Variants in ABCB5 observed in about 807,000 individuals in gnomAD.
The protein encoded by ABCB5 is ATP binding cassette subfamily B member 5.
Under a neutral mutation model 144.2 loss-of-function variants are expected in ABCB5, and 155 were observed. The observed-to-expected ratio is 1.08, with a 90% CI of 0.94 to 1.23. The LOEUF is 1.23. Among genes scored for constraint, ABCB5 ranks in the 50% most tolerant of loss-of-function variants. The probability of loss-of-function intolerance (pLI) is 0.00; values close to 1 mark genes in which losing one functional copy is unlikely to be tolerated. For synonymous variants in ABCB5, 610 were observed against 528.6 expected, an observed-to-expected ratio of 1.15 and a Z score of -2.11; for missense variants, 1,830 against 1,520.8, an observed-to-expected ratio of 1.20 and a Z score of -3.38.
At chr7:20,654,382 T>C (rs1784700319) in intron 13 of ABCB5, among the ~76,000 whole-genome samples, 1 of 152,162 alleles carries the variant, frequency 6.6e-6, no homozygotes, top group Non-Finnish European at 1.5e-5. Flanking sequence ...CAAAAACTGA[T>C]ACATCTGAAA....
chr7:20,731,343 A>T (rs1782207065), intron 23 of ABCB5, among the ~76,000 whole-genome samples: 1 of 123,962 alleles, frequency 8.1e-6, no homozygotes, highest in Admixed American at 9.3e-5. Context: ...ACAGAGCAAG[A>T]CTCCAACTCA....
intron 23 of ABCB5, among the ~76,000 whole-genome samples, chr7:20,738,288 A>G (rs10244045): frequency 0.85 from 129,527 of 152,232 alleles, 55,181 homozygotes; most frequent in East Asian, 0.89. Flanking sequence ...ATATTTAACC[A>G]TGGTCAGGTC....
chr7:20,704,877 C>T (rs1786768468), intron 20 of ABCB5, 70 bp downstream of exon 20: 12 of 1,261,810 alleles, frequency 9.5e-6, no homozygotes, highest in Non-Finnish European at 1.4e-5. Context: ...ACACATGTGT[C>T]TGTGCATATA....
chr7:20,677,345 G>T (rs558487993), intron 14 of ABCB5, among the ~76,000 whole-genome samples: 1 of 152,304 alleles, frequency 6.6e-6, no homozygotes, highest in Non-Finnish European at 1.5e-5. Context: ...TAAGGATACA[G>T]ATTTAGAAGC....
intron 1 of ABCB5, among the ~76,000 whole-genome samples, chr7:20,618,039 C>T (rs952671506): frequency 4.6e-5 from 7 of 151,896 alleles, no homozygotes; most frequent in East Asian, 1.9e-4. Flanking sequence ...TTTTTGCTAA[C>T]AGCTTTATTG....
rs778451514 is a variant in ABCB5, at chr7:20,704,766, T to C, written c.2380T>C (p.Leu794=). Residue 794 remains leucine (L), a synonymous_variant, in exon 20 of 28, where the codon TTG becomes CTG. Transcript: ENST00000404938. The part of the protein sequence containing the change: ...FDEKENSTGG[L]TTILAIDIAQ... ...TGAAAAGGAAAACAGCACAGGAGGC[T>C]TGACAACAATATTAGCCATAGATAT... 150 of 1,613,760 alleles carry C rather than the reference T, an allele frequency of 9.3e-5. No homozygotes were observed. Among genetic ancestry groups the C allele is most frequent in the Non-Finnish European group, 1.2e-4 (147 of 1,179,872 alleles).
At chr7:20,647,048 C>T (rs764164307) in intron 9 of ABCB5, among the ~76,000 whole-genome samples, 22 of 152,138 alleles carry the variant, frequency 1.4e-4, no homozygotes, top group Non-Finnish European at 2.5e-4. Context: ...ATGAGTCTGT[C>T]TTAAAATGGA....
At chr7:20,726,979 A>G (rs930644846) in intron 21 of ABCB5, 61 bp from the exon 22 acceptor site, 2 of 1,245,146 alleles carry the variant, frequency 1.6e-6, no homozygotes, top group Non-Finnish European at 2.2e-6. Flanking sequence ...AGAATTCACA[A>G]ATGGGAAAAG....
intron 14 of ABCB5, chr7:20,667,027 G>T: frequency 1.7e-6 from 1 of 583,550 alleles, no homozygotes. Flanking sequence ...TCACATGAAT[G>T]ATCTAGTAGA....
At chr7:20,621,802 A>G (rs567981984) in intron 1 of ABCB5, among the ~76,000 whole-genome samples, 1 of 152,304 alleles carries the variant, frequency 6.6e-6, no homozygotes, top group Admixed American at 6.5e-5. Context: ...CTCAATAAAT[A>G]TTTCTTGTGC....
At chr7:20,736,085 A>G (rs1164350711) in intron 23 of ABCB5, among the ~76,000 whole-genome samples, 1 of 152,206 alleles carries the variant, frequency 6.6e-6, no homozygotes, top group African/African-American at 2.4e-5. Flanking sequence ...GACTACCTCT[A>G]TGGGGAAAGA....
chr7:20,650,182 C>T, intron 12 of ABCB5, 35 bp downstream of exon 12: 7 of 1,605,716 alleles, frequency 4.4e-6, no homozygotes, highest in Non-Finnish European at 6.0e-6. Context: ...CACAGTCCAC[C>T]TAATGGAATC....
chr7:20,714,008 G>A (rs1471774427), intron 20 of ABCB5, among the ~76,000 whole-genome samples: 1 of 152,174 alleles, frequency 6.6e-6, no homozygotes, highest in African/African-American at 2.4e-5. Flanking sequence ...AACTCTTAAG[G>A]TAGTAAGCCA....
intron 20 of ABCB5, among the ~76,000 whole-genome samples, chr7:20,718,200 C>T (rs1360404651): frequency 3.3e-5 from 5 of 152,030 alleles, no homozygotes; most frequent in Admixed American, 2.6e-4. Flanking sequence ...TGAGCCACGG[C>T]GCCTGGCCCA....
intron 23 of ABCB5, among the ~76,000 whole-genome samples, chr7:20,730,639 T>C (rs907191516): frequency 6.6e-6 from 1 of 152,228 alleles, no homozygotes; most frequent in African/African-American, 2.4e-5. Context: ...TTGGGTTTCA[T>C]TCTGATTACA....
intron 14 of ABCB5, among the ~76,000 whole-genome samples, chr7:20,668,445 C>A (rs1785299011): frequency 6.6e-6 from 1 of 151,542 alleles, no homozygotes; most frequent in Non-Finnish European, 1.5e-5. Flanking sequence ...GCGTCTCTGC[C>A]CGGCCGCCCC....
chr7:20,726,989 G>A (rs1782057317), intron 21 of ABCB5, 51 bp from the exon 22 acceptor site: 2 of 1,343,336 alleles, frequency 1.5e-6, no homozygotes, highest in Non-Finnish European at 2.1e-6. Flanking sequence ...AATGGGAAAA[G>A]ATTAACCATT....
At position 20,728,386 on chromosome 7, in the gene ABCB5, A is replaced by G. The variant is rs1044170835; in HGVS notation, c.2798A>G (p.Tyr933Cys). The stretch of plus-strand genomic sequence containing the variant: ...AGCCATGCCTTTATATATTTTGCCT[A>G]TGCGGCAGGGTTTCGATTTGGAGCC... The part of the protein sequence containing the change: ...AFSHAFIYFA[Y>C]AAGFRFGAYL... Residue 933 changes from tyrosine (Y) to cysteine (C), a missense_variant, in exon 23 of 28, where the codon TAT (tyrosine) becomes TGT (cysteine). Tyr to Cys is a radical substitution (Grantham distance 194). Transcript: ENST00000404938. 2 of 1,614,174 alleles carry G rather than the reference A, an allele frequency of 1.2e-6. No homozygotes were observed. Among genetic ancestry groups the G allele is most frequent in the Non-Finnish European group, 1.7e-6 (2 of 1,180,010 alleles).
At chr7:20,721,874 C>T (rs1230056090) in intron 20 of ABCB5, among the ~76,000 whole-genome samples, 1 of 152,080 alleles carries the variant, frequency 6.6e-6, no homozygotes, top group South Asian at 2.1e-4. Context: ...TTCCTTTTTA[C>T]TCTCCGTGAA....
Sources: gnomAD v4.1 joint callset for allele counts (sites outside exome capture counted in the v4.1 genomes callset) on GRCh38, gnomAD v4.1.1 for gene constraint, MANE v1.5 for transcripts, NCBI Gene and HGNC (gene_info 2026-07-23, HGNC 2026-07-21) for gene names.